The following GK5 variants were observed in gnomAD, a reference collection of about 807,000 sequenced individuals.
The protein encoded by GK5 is glycerol kinase 5, also known as ATP:glycerol 3-phosphotransferase 5.
A neutral mutation model predicts 77.3 loss-of-function variants in GK5; 39 were observed. The observed-to-expected ratio is 0.50, with a 90% CI of 0.39 to 0.66. GK5 has a LOEUF of 0.66. GK5 is among the 30% of genes least tolerant of loss of function. The pLI is 0.00. For synonymous variants in GK5, 211 were observed against 208.0 expected, an observed-to-expected ratio of 1.01 and a Z score of -0.13; for missense variants, 487 against 633.8, an observed-to-expected ratio of 0.77 and a Z score of 2.49.
intron 15 of GK5, among the ~76,000 whole-genome samples, chr3:142,167,306 G>A (rs953836763): frequency 2.0e-5 from 3 of 151,926 alleles, no homozygotes; most frequent in Non-Finnish European, 2.9e-5. Context: ...CCCAGGAGGC[G>A]GAGGTTGCAA....
chr3:142,202,826 A>C (rs1051829823), intron 4 of GK5, among the ~76,000 whole-genome samples: 1 of 152,170 alleles, frequency 6.6e-6, no homozygotes, highest in African/African-American at 2.4e-5. Context: ...GCATGGCGGC[A>C]TGTGCCTGTA....
rs748241901 is a variant in GK5, at chr3:142,165,691, T to C, written c.1521A>G (p.Glu507=). The C allele has an allele frequency of 5.6e-6, 9 of 1,613,160 alleles. No individual in the cohort carries two copies. The highest frequency in any genetic ancestry group is 6.8e-6 in the Non-Finnish European group (8 of 1,179,432). Residue 507 remains glutamate, a synonymous_variant, in exon 16 of 16, where the codon GAA becomes GAG. Coordinates refer to ENST00000392993, the MANE Select transcript of GK5 (RefSeq NM_001039547.3). The part of the protein sequence containing the change: ...VVFKPQKKCQ[E]YEMSLENWAK... ...CCCAGTTTTCCAGACTCATTTCATA[T>C]TCTTGACATTTCTTCTGTGGCTTGA...
chr3:142,203,594 G>A lies in GK5; in HGVS notation c.411+1101C>T, dbSNP rs534825131. ...TCGAGACCATCCTGACTAACACGGT[G>A]AAACCCCGTCTCTGTTAAAAATAGA... On this transcript the variant is annotated intron_variant, in intron 4 of 15. Transcript: ENST00000392993. Among the ~76,000 whole-genome samples, 128 of 152,282 alleles carry A rather than the reference G, an allele frequency of 8.4e-4. 2 individuals carry two copies. The South Asian group carries it at 0.026, about 31-fold the overall frequency.
chr3:142,186,706 C>A (rs1012263899), intron 6 of GK5, among the ~76,000 whole-genome samples, 193 bp from the exon 7 acceptor site: 1 of 150,632 alleles, frequency 6.6e-6, no homozygotes, highest in South Asian at 2.1e-4. Context: ...TCTTGGCTCA[C>A]CGCAACCTCT....
At chr3:142,170,522 C>A in intron 14 of GK5, 64 bp from the exon 15 acceptor site, 2 of 1,366,932 alleles carry the variant, frequency 1.5e-6, no homozygotes, top group Non-Finnish European at 2.0e-6. Flanking sequence ...TTTCAGTGGG[C>A]CACATTTTTT....
chr3:142,204,852 C>G, intron 3 of GK5, 64 bp from the exon 4 acceptor site: 1 of 930,148 alleles, frequency 1.1e-6, no homozygotes, highest in Non-Finnish European at 1.7e-6. Context: ...AAAGATGTGC[C>G]ATAAGAGAAA....
intron 4 of GK5, among the ~76,000 whole-genome samples, chr3:142,201,858 T>TA (rs2064029953): frequency 6.6e-6 from 1 of 152,146 alleles, no homozygotes; most frequent in Non-Finnish European, 1.5e-5. Flanking sequence ...ATTTTCAGTT[T>TA]AAAAAATGTG....
rs2063408055 is a variant in GK5 at position 142,159,486 on chromosome 3, G to A, written c.*6136C>T. The A allele has an allele frequency of 6.6e-6, 1 of 152,076 alleles. No homozygotes were observed. Among genetic ancestry groups the A allele is most frequent in the South Asian group, 2.1e-4 (1 of 4,814 alleles). The allele number at this position is 152,076 out of a possible 1,614,324, so 9.4% of individuals were successfully genotyped here. On this transcript the variant is annotated 3_prime_UTR_variant, in exon 16 of 16. Coordinates refer to ENST00000392993, the MANE Select transcript of GK5 (RefSeq NM_001039547.3). The stretch of plus-strand genomic sequence containing the variant: ...ATTTCAGAAATATCTGATTTTGCAA[G>A]CACCTGTTTCTGTCCTTCCCACTCC...
intron 3 of GK5, among the ~76,000 whole-genome samples, chr3:142,212,920 GC>G (rs1283832474): frequency 2.1e-5 from 3 of 142,894 alleles, no homozygotes; most frequent in African/African-American, 8.0e-5. Flanking sequence ...TGCAGGCTCC[GC>G]CCCCTGGGGT....
chr3:142,196,968 A>C (rs1242226465), intron 5 of GK5, among the ~76,000 whole-genome samples: 1 of 152,172 alleles, frequency 6.6e-6, no homozygotes, highest in African/African-American at 2.4e-5. Context: ...CAGGTGGATC[A>C]CGAGGTCAGG....
intron 1 of GK5, among the ~76,000 whole-genome samples, chr3:142,220,938 T>C (rs767909244): frequency 1.3e-5 from 2 of 152,102 alleles, no homozygotes; most frequent in Non-Finnish European, 2.9e-5. Context: ...CTCCCTAACC[T>C]GGCAGAAAGA....
intron 5 of GK5, 34 bp downstream of exon 5, chr3:142,198,768 A>G: frequency 6.4e-7 from 1 of 1,568,114 alleles, no homozygotes; most frequent in Non-Finnish European, 8.6e-7. Context: ...CCACATACAC[A>G]CATATTTTCC....
intron 6 of GK5, 73 bp from the exon 7 acceptor site, chr3:142,186,586 T>C (rs2063774625): frequency 5.0e-6 from 3 of 602,610 alleles, no homozygotes; most frequent in Non-Finnish European, 8.5e-6. Flanking sequence ...GTATATAATA[T>C]AGACCTTTGT....
chr3:142,216,442 C>T (rs1444270978), intron 1 of GK5, among the ~76,000 whole-genome samples: 1 of 151,940 alleles, frequency 6.6e-6, no homozygotes, highest in Non-Finnish European at 1.5e-5. Context: ...GGTATCGGTG[C>T]GTCTCAACAG....
At chr3:142,218,821 G>A (rs2064307079) in intron 1 of GK5, among the ~76,000 whole-genome samples, 1 of 152,024 alleles carries the variant, frequency 6.6e-6, no homozygotes, top group Admixed American at 6.6e-5. Context: ...AGTACAGACT[G>A]GTAGAAAATA....
intron 11 of GK5, among the ~76,000 whole-genome samples, chr3:142,179,567 A>G (rs894636161): frequency 5.3e-5 from 8 of 152,202 alleles, no homozygotes; most frequent in African/African-American, 1.2e-4. Flanking sequence ...TCTTGTCCAA[A>G]TGTTCAATTT....
intron 5 of GK5, among the ~76,000 whole-genome samples, chr3:142,195,337 G>A (rs1304937337): frequency 1.3e-5 from 2 of 152,060 alleles, no homozygotes; most frequent in South Asian, 2.1e-4. Flanking sequence ...GAAGTTTTGT[G>A]TGTGTGTGTG....
chr3:142,219,962 G>A (rs2107800473), intron 1 of GK5, among the ~76,000 whole-genome samples: 1 of 152,292 alleles, frequency 6.6e-6, no homozygotes, highest in South Asian at 2.1e-4. Flanking sequence ...GAGGGAGACT[G>A]TCTCAATCAA....
chr3:142,205,818 A>G (rs1438280571), intron 3 of GK5, among the ~76,000 whole-genome samples: 2 of 152,196 alleles, frequency 1.3e-5, no homozygotes, highest in Middle Eastern at 3.2e-3. Context: ...CAGTAAGTAC[A>G]TTCACAACGT....
Sources: gnomAD v4.1 joint callset for allele counts (sites outside exome capture counted in the v4.1 genomes callset) on GRCh38, gnomAD v4.1.1 for gene constraint, MANE v1.5 for transcripts, NCBI Gene and HGNC (gene_info 2026-07-23, HGNC 2026-07-21) for gene names.